ARPP21: variants seen among roughly 807,000 people sequenced by gnomAD.
ARPP21 encodes the protein cAMP-regulated phosphoprotein 21.
Under a neutral mutation model 113.2 loss-of-function variants are expected in ARPP21, and 69 were observed. The observed-to-expected ratio is 0.61, with a 90% CI of 0.50 to 0.74. ARPP21 has a LOEUF of 0.74. Ranked by LOEUF, ARPP21 falls within the 30% of genes least tolerant of loss-of-function variation. ARPP21 has a pLI of 0.00. For missense variants in ARPP21, 1,070 were observed against 1,037.4 expected, an observed-to-expected ratio of 1.03 and a Z score of -0.43; for synonymous variants, 368 against 375.5, an observed-to-expected ratio of 0.98 and a Z score of 0.23.
chr3:35,741,818 A>G (rs2094681572), intron 18 of ARPP21, among the ~76,000 whole-genome samples: 1 of 152,128 alleles, frequency 6.6e-6, no homozygotes, highest in African/African-American at 2.4e-5. Flanking sequence ...ATTGCTGTTA[A>G]CCTGGCTTTC....
intron 1 of ARPP21, among the ~76,000 whole-genome samples, chr3:35,667,383 G>A (rs1017866147): frequency 7.2e-5 from 11 of 152,022 alleles, no homozygotes; most frequent in African/African-American, 2.2e-4. Flanking sequence ...TTGTGATTAC[G>A]TGTCATAATC....
chr3:35,787,516 A>T (rs1234912238), intron 19 of ARPP21, among the ~76,000 whole-genome samples: 2 of 152,138 alleles, frequency 1.3e-5, no homozygotes, highest in African/African-American at 4.8e-5. Flanking sequence ...GAATAGCCTC[A>T]CCCATACCTC....
intron 1 of ARPP21, among the ~76,000 whole-genome samples, chr3:35,656,951 T>C (rs995634394): frequency 6.6e-5 from 10 of 152,178 alleles, no homozygotes; most frequent in African/African-American, 2.4e-4. Flanking sequence ...GATAAGAAGA[T>C]ATGATCTCTA....
At chr3:35,700,244 C>T (rs917480622) in intron 9 of ARPP21, among the ~76,000 whole-genome samples, 3 of 151,762 alleles carry the variant, frequency 2.0e-5, no homozygotes, top group African/African-American at 7.2e-5. Context: ...GAAAGTCACA[C>T]AGTAAGATGC....
chr3:35,753,988 A>G (rs189984199), intron 19 of ARPP21, among the ~76,000 whole-genome samples: 3 of 141,838 alleles, frequency 2.1e-5, no homozygotes, highest in Admixed American at 2.1e-4. Flanking sequence ...TTTTTCAAAT[A>G]TCGCTTTTCT....
intron 19 of ARPP21, among the ~76,000 whole-genome samples, chr3:35,745,936 T>A (rs2095017888): frequency 6.6e-6 from 1 of 152,030 alleles, no homozygotes; most frequent in South Asian, 2.1e-4. Flanking sequence ...GACACTGTAA[T>A]GAGAAGAGTG....
intron 19 of ARPP21, among the ~76,000 whole-genome samples, chr3:35,763,384 A>G (rs915006220): frequency 1.3e-5 from 2 of 152,118 alleles, no homozygotes; most frequent in Non-Finnish European, 2.9e-5. Flanking sequence ...CGTGAGGACC[A>G]CCTGGAACTG....
chr3:35,664,273 C>A (rs1398999515), intron 1 of ARPP21, among the ~76,000 whole-genome samples: 1 of 152,190 alleles, frequency 6.6e-6, no homozygotes, highest in Non-Finnish European at 1.5e-5. Flanking sequence ...TCCATCACCT[C>A]AAATATTTGT....
Position 35,730,064 on chromosome 3 carries a change from G to A in ARPP21, c.1459+528G>A, listed in dbSNP as rs1385412554. The stretch of plus-strand genomic sequence containing the variant: ...GAAAGGAATAAGAAACAGCAGTGGC[G>A]AAGAGAATACAGAGAGAAAATTATT... On this transcript the variant is annotated intron_variant, in intron 15 of 20. Coordinates refer to ENST00000684406, the MANE Select transcript of ARPP21 (RefSeq NM_001385562.1). Among the ~76,000 whole-genome samples the A allele has an allele frequency of 5.3e-5, 8 of 152,194 alleles. No homozygotes were observed. In the East Asian group the frequency reaches 5.8e-4, roughly 11 times the overall value.
chr3:35,717,356 C>T lies in ARPP21; in HGVS notation c.994C>T (p.Arg332Trp), dbSNP rs777286095. 6.2e-5 allele frequency: 98 copies of T among 1,590,720 alleles called. No homozygotes were observed. Among genetic ancestry groups the T allele is most frequent in the Non-Finnish European group, 7.7e-5 (89 of 1,159,434 alleles). Residue 332 changes from arginine (R) to tryptophan (W), a missense_variant and splice_region_variant, in exon 13 of 21, where the codon CGG (arginine) becomes TGG (tryptophan). Coordinates refer to ENST00000684406, the MANE Select transcript of ARPP21 (RefSeq NM_001385562.1). Reference sequence around the variant, plus strand: ...GACCTATAAGAAAAGACAGCTCTTTCGGTTGGTATGGTTTACTTTCTTAAA... The same window carrying T: ...GACCTATAAGAAAAGACAGCTCTTTTGGTTGGTATGGTTTACTTTCTTAAA... ...NETYKKRQLF[R>W]GNRDGSGRTS... is the part of the protein sequence containing the mutation.
chr3:35,641,676 T>C (rs1042681301), intron 1 of ARPP21: 4 of 152,220 alleles, frequency 2.6e-5, no homozygotes, highest in African/African-American at 9.6e-5. Context: ...ATGAATACAC[T>C]CTTTTCAAGT....
intron 1 of ARPP21, among the ~76,000 whole-genome samples, chr3:35,667,940 GAA>G (rs3087183): frequency 1.1e-4 from 15 of 139,890 alleles, no homozygotes; most frequent in Non-Finnish European, 1.1e-4. Context: ...AGGAGAAGGA[GAA>G]GAAGAAAAGA....
intron 19 of ARPP21, among the ~76,000 whole-genome samples, chr3:35,748,431 AAG>A (rs1347896544): frequency 5.3e-5 from 8 of 150,470 alleles, no homozygotes; most frequent in South Asian, 2.1e-4. Context: ...AAGAGAAAGA[AAG>A]AGAAAGAAAG....
intron 7 of ARPP21, 87 bp downstream of exon 7, chr3:35,689,472 C>A (rs2081594008): frequency 1.4e-6 from 1 of 739,608 alleles, no homozygotes; most frequent in Non-Finnish European, 2.4e-6. Flanking sequence ...TCTAAGAAAG[C>A]CATTGTGAAA....
At chr3:35,714,617 G>A (rs1038711871) in intron 11 of ARPP21, among the ~76,000 whole-genome samples, 1 of 152,038 alleles carries the variant, frequency 6.6e-6, no homozygotes, top group Non-Finnish European at 1.5e-5. Flanking sequence ...CCCTATTATA[G>A]GACCACAGCA....
chr3:35,683,863 T>C, intron 5 of ARPP21, 48 bp downstream of exon 5: 1 of 973,682 alleles, frequency 1.0e-6, no homozygotes, highest in Non-Finnish European at 1.7e-6. Flanking sequence ...GGATCCACCT[T>C]TGTGTGCATG....
At chr3:35,783,978 T>C (rs1480430822) in intron 19 of ARPP21, among the ~76,000 whole-genome samples, 1 of 152,182 alleles carries the variant, frequency 6.6e-6, no homozygotes, top group Non-Finnish European at 1.5e-5. Flanking sequence ...TATGACCTCC[T>C]GGAAGCTTTC....
chr3:35,737,363 G>C lies in ARPP21; in HGVS notation c.1644+1G>C, dbSNP rs376204341. On this transcript the variant is annotated splice_donor_variant, in intron 16 of 20. Coordinates refer to ENST00000684406, the MANE Select transcript of ARPP21 (RefSeq NM_001385562.1). LOFTEE classifies it high-confidence loss of function. Reference sequence around the variant, plus strand: ...GATGGCAGGCCCTCTGGTCACTCAGGTAGGGGGCTGGTTGGAAGGCAGGGA... The same window carrying C: ...GATGGCAGGCCCTCTGGTCACTCAGCTAGGGGGCTGGTTGGAAGGCAGGGA... 1.9e-6 allele frequency: 3 copies of C among 1,600,152 alleles called. No homozygotes were observed. The highest frequency in any genetic ancestry group is 1.3e-5 in the African/African-American group (1 of 74,688).
chr3:35,716,868 C>G (rs1028545096), intron 12 of ARPP21, among the ~76,000 whole-genome samples: 4 of 151,840 alleles, frequency 2.6e-5, no homozygotes, highest in African/African-American at 9.7e-5. Context: ...CTTGATGGTC[C>G]TGGAAACCAA....
Sources: gnomAD v4.1 joint callset for allele counts (sites outside exome capture counted in the v4.1 genomes callset) on GRCh38, gnomAD v4.1.1 for gene constraint, MANE v1.5 for transcripts, NCBI Gene and HGNC (gene_info 2026-07-23, HGNC 2026-07-21) for gene names.